The following RABGAP1L variants were observed in gnomAD, a reference collection of about 807,000 sequenced individuals.
RABGAP1L encodes RAB GTPase activating protein 1 like.
In RABGAP1L, 63 loss-of-function variants were observed where a neutral mutation model predicts 137.7. The ratio of observed to expected loss-of-function variants is 0.46; its 90% CI spans 0.37 to 0.56. The LOEUF (loss-of-function observed/expected upper bound fraction) is 0.56, where lower values mean the gene tolerates loss of function less well. RABGAP1L is among the 20% of genes least tolerant of loss of function. The pLI is 0.00. For synonymous variants in RABGAP1L, 431 were observed against 433.7 expected (o/e 0.99, Z 0.08); for missense variants, 1,095 against 1,244.0 (o/e 0.88, Z 1.80).
intron 13 of RABGAP1L, among the ~76,000 whole-genome samples, chr1:174,490,180 AT>A (rs1165391168): frequency 6.6e-6 from 1 of 151,842 alleles, no homozygotes; most frequent in African/African-American, 2.4e-5. Context: ...AGGGTTAGGT[AT>A]TTATTGTAGT....
intron 13 of RABGAP1L, among the ~76,000 whole-genome samples, chr1:174,609,994 A>G (rs903123980): frequency 6.6e-6 from 1 of 150,710 alleles, no homozygotes; most frequent in East Asian, 1.9e-4. Context: ...TTATTTTTAT[A>G]TATCATCTTT....
chr1:174,658,707 C>T (rs1676150925), intron 14 of RABGAP1L, among the ~76,000 whole-genome samples: 2 of 152,218 alleles, frequency 1.3e-5, no homozygotes, highest in South Asian at 4.1e-4. Context: ...TAGGGTCTGA[C>T]ACTCCACACC....
At chr1:174,607,515 C>T (rs1670877218) in intron 13 of RABGAP1L, among the ~76,000 whole-genome samples, 1 of 152,064 alleles carries the variant, frequency 6.6e-6, no homozygotes, top group Admixed American at 6.6e-5. Flanking sequence ...TGGGCTGATA[C>T]CCAGGATCAC....
intron 11 of RABGAP1L, among the ~76,000 whole-genome samples, chr1:174,320,863 C>A (rs1357610023): frequency 6.6e-6 from 1 of 152,086 alleles, no homozygotes; most frequent in Non-Finnish European, 1.5e-5. Context: ...AATATGAAAT[C>A]TGGGCGCCTT....
At chr1:174,685,246 C>A (rs1469693181) in intron 15 of RABGAP1L, among the ~76,000 whole-genome samples, 2 of 151,724 alleles carry the variant, frequency 1.3e-5, no homozygotes, top group Admixed American at 1.3e-4. Flanking sequence ...ATGATGAGTT[C>A]TTTCTTTCTC....
intron 17 of RABGAP1L, among the ~76,000 whole-genome samples, chr1:174,721,712 T>G (rs940831695): frequency 6.6e-6 from 1 of 152,222 alleles, no homozygotes; most frequent in African/African-American, 2.4e-5. Context: ...TGAAGGTAGA[T>G]CTGCAATTTC....
At chr1:174,881,101 A>G (rs1654123830) in intron 19 of RABGAP1L, among the ~76,000 whole-genome samples, 1 of 152,164 alleles carries the variant, frequency 6.6e-6, no homozygotes, top group Non-Finnish European at 1.5e-5. Flanking sequence ...GCAGGCACAT[A>G]AGAGACTGGG....
chr1:174,771,320 G>A (rs1337606240), intron 18 of RABGAP1L, among the ~76,000 whole-genome samples: 2 of 152,174 alleles, frequency 1.3e-5, no homozygotes, highest in Non-Finnish European at 2.9e-5. Flanking sequence ...CATGCCAGCT[G>A]TGTCAATCTG....
intron 13 of RABGAP1L, among the ~76,000 whole-genome samples, chr1:174,416,986 A>G (rs1571702199): frequency 6.6e-6 from 1 of 151,796 alleles, no homozygotes; most frequent in African/African-American, 2.4e-5. Flanking sequence ...TCTTTTTTTG[A>G]TGTTTGTCCT....
At chr1:174,258,808 C>T (rs1048124821) in intron 7 of RABGAP1L, among the ~76,000 whole-genome samples, 4 of 151,762 alleles carry the variant, frequency 2.6e-5, no homozygotes, top group Non-Finnish European at 4.4e-5. Flanking sequence ...GACAGGACCT[C>T]GCTGTGTTGC....
At chr1:174,590,237 G>C (rs1038199860) in intron 13 of RABGAP1L, among the ~76,000 whole-genome samples, 5 of 138,294 alleles carry the variant, frequency 3.6e-5, no homozygotes, top group African/African-American at 1.3e-4. Context: ...AATACACAAA[G>C]TTAATGCTCT....
intron 10 of RABGAP1L, among the ~76,000 whole-genome samples, chr1:174,298,644 G>A (rs773799146): frequency 5.9e-5 from 9 of 152,174 alleles, no homozygotes; most frequent in Non-Finnish European, 1.3e-4. Context: ...ATGCTAAGGT[G>A]AAACTGTGGA....
At chr1:174,804,388 A>G (rs997924173) in intron 18 of RABGAP1L, among the ~76,000 whole-genome samples, 4 of 150,784 alleles carry the variant, frequency 2.7e-5, no homozygotes, top group African/African-American at 9.7e-5. Flanking sequence ...CTCCCACCTC[A>G]TCCTCCTGAG....
At chr1:174,619,031 A>C (rs1479791427) in intron 13 of RABGAP1L, among the ~76,000 whole-genome samples, 1 of 152,248 alleles carries the variant, frequency 6.6e-6, no homozygotes, top group South Asian at 2.1e-4. Context: ...ACTGGAAGAA[A>C]GGGTATCAGT....
intron 13 of RABGAP1L, among the ~76,000 whole-genome samples, chr1:174,434,531 G>C: frequency 6.6e-6 from 1 of 152,222 alleles, no homozygotes; most frequent in East Asian, 1.9e-4. Context: ...AATGTCATAA[G>C]AAAATTCCAA....
At position 174,468,488 on chromosome 1, in the gene RABGAP1L, TGTA is replaced by T. The variant is rs552563749; in HGVS notation, c.1710+74347_1710+74349del. On this transcript the variant is annotated intron_variant, in intron 13 of 25. Coordinates refer to ENST00000681986, the MANE Select transcript of RABGAP1L (RefSeq NM_001366446.1). ...CTTGGTTTTGTGATTGTGCTGGTGT[TGTA>T]GTATAAATTATAGTTATTATGCACT... 7.7e-4 allele frequency among the ~76,000 whole-genome samples: 118 copies of T among 152,318 alleles called. 1 individual carries two copies. In the East Asian group the frequency reaches 0.022, roughly 28 times the overall value.
chr1:174,207,261 C>G (rs1274298510), intron 1 of RABGAP1L, among the ~76,000 whole-genome samples: 1 of 152,116 alleles, frequency 6.6e-6, no homozygotes, highest in Non-Finnish European at 1.5e-5. Flanking sequence ...GTACACTGCT[C>G]TGTAGTACAT....
intron 12 of RABGAP1L, among the ~76,000 whole-genome samples, chr1:174,386,716 C>T (rs1451819574): frequency 1.3e-5 from 2 of 151,916 alleles, no homozygotes; most frequent in Non-Finnish European, 2.9e-5. Flanking sequence ...ACCATGTTGG[C>T]CGGGCTGGTC....
At chr1:174,524,840 C>T (rs1488200142) in intron 13 of RABGAP1L, among the ~76,000 whole-genome samples, 3 of 146,210 alleles carry the variant, frequency 2.1e-5, no homozygotes, top group Admixed American at 2.0e-4. Context: ...GATAATGGTC[C>T]AGTTTCATTC....
Sources: gnomAD v4.1 joint callset for allele counts (sites outside exome capture counted in the v4.1 genomes callset) on GRCh38, gnomAD v4.1.1 for gene constraint, MANE v1.5 for transcripts, NCBI Gene and HGNC (gene_info 2026-07-23, HGNC 2026-07-21) for gene names.